Variants in DNAJB6 observed in about 807,000 individuals in gnomAD.
The protein encoded by DNAJB6 is dnaJ homolog subfamily B member 6.
DNAJB6 carries 16 observed loss-of-function variants against 42.7 expected under a neutral mutation model. That is an observed-to-expected ratio of 0.37 (90% CI 0.25 to 0.57). The LOEUF (loss-of-function observed/expected upper bound fraction) is 0.57, where lower values mean the gene tolerates loss of function less well. DNAJB6 is among the 20% of genes least tolerant of loss of function. The pLI is 0.74. For missense variants in DNAJB6, 347 were observed against 416.8 expected, an observed-to-expected ratio of 0.83 and a Z score of 1.46; for synonymous variants, 170 against 163.5, an observed-to-expected ratio of 1.04 and a Z score of -0.30.
intron 1 of DNAJB6, among the ~76,000 whole-genome samples, chr7:157,346,337 A>AAT (rs35193379): frequency 6.0e-5 from 9 of 148,948 alleles, no homozygotes; most frequent in Non-Finnish European, 1.3e-4. Context: ...AAAAAAAAAA[A>AAT]GTTAAAGATA....
intron 9 of DNAJB6, 126 bp downstream of exon 9, chr7:157,410,127 G>A (rs1288539973): frequency 1.4e-6 from 2 of 1,415,252 alleles, no homozygotes; most frequent in Non-Finnish European, 1.8e-6. Flanking sequence ...GGGCGGTCGG[G>A]CGGGGCGGGA....
At chr7:157,383,662 T>C (rs1332598555) in intron 6 of DNAJB6, among the ~76,000 whole-genome samples, 1 of 151,836 alleles carries the variant, frequency 6.6e-6, no homozygotes, top group Non-Finnish European at 1.5e-5. Context: ...GTAAGCCTTC[T>C]CCACTTCTGA....
Position 157,382,254 on chromosome 7 carries a change from T to G in DNAJB6, c.355T>G (p.Phe119Val). 1.9e-6 allele frequency: 3 copies of G among 1,598,652 alleles called. No homozygotes were observed. Among genetic ancestry groups the G allele is most frequent in the Non-Finnish European group, 2.6e-6 (3 of 1,176,132 alleles). Residue 119 changes from phenylalanine (F) to valine (V), a missense_variant, in exon 6 of 10, where the codon TTT becomes GTT. Phe to Val is a conservative substitution (Grantham distance 50). Transcript: ENST00000262177. ...TTTATGTTTGATTTTAGAAGACCCTTTTGAGGACTTCTTTGGGAATCGAAG... is the reference window on the plus strand; with the variant it reads ...TTTATGTTTGATTTTAGAAGACCCTGTTGAGGACTTCTTTGGGAATCGAAG... ...PFSFDFFEDP[F>V]EDFFGNRRGP...
intron 8 of DNAJB6, among the ~76,000 whole-genome samples, chr7:157,398,374 C>T (rs1801696898): frequency 6.6e-6 from 1 of 152,110 alleles, no homozygotes. Flanking sequence ...CCCTCTCTCC[C>T]CAAAAAAAGT....
intron 1 of DNAJB6, among the ~76,000 whole-genome samples, chr7:157,339,644 T>TGTGTGTGA (rs1554449673): frequency 2.7e-5 from 1 of 36,506 alleles, no homozygotes; most frequent in Non-Finnish European, 6.8e-5. Flanking sequence ...TGTGTGTGTG[T>TGTGTGTGA]GTGAGATGGA....
intron 9 of DNAJB6, chr7:157,410,241 G>A (rs1353661289): frequency 3.2e-6 from 3 of 930,728 alleles, no homozygotes; most frequent in East Asian, 3.1e-5. Flanking sequence ...TGTACGCAGC[G>A]TGTTGCTCCG....
At chr7:157,394,754 A>G (rs74325506) in intron 8 of DNAJB6, among the ~76,000 whole-genome samples, 2 of 152,290 alleles carry the variant, frequency 1.3e-5, no homozygotes, top group Admixed American at 6.5e-5. Flanking sequence ...AAGAAGCAAC[A>G]CATCACAAGA....
chr7:157,349,465 A>C (rs1349508185), intron 1 of DNAJB6, among the ~76,000 whole-genome samples: 12 of 150,016 alleles, frequency 8.0e-5, no homozygotes, highest in Non-Finnish European at 1.6e-4. Context: ...AGAAAAGACC[A>C]GGGGACTTAG....
intron 1 of DNAJB6, among the ~76,000 whole-genome samples, chr7:157,343,651 G>A (rs1470280634): frequency 6.6e-6 from 1 of 152,068 alleles, no homozygotes; most frequent in African/African-American, 2.4e-5. Flanking sequence ...GTTTCACCAC[G>A]TTGGCCATGC....
At chr7:157,379,009 A>AT (rs1338898486) in intron 5 of DNAJB6, 1 of 152,152 alleles carries the variant, frequency 6.6e-6, no homozygotes. Flanking sequence ...AATTCAGTGA[A>AT]TACCTGAATT....
At chr7:157,401,618 G>A (rs1297528043) in intron 8 of DNAJB6, among the ~76,000 whole-genome samples, 1 of 152,232 alleles carries the variant, frequency 6.6e-6, no homozygotes, top group Non-Finnish European at 1.5e-5. Flanking sequence ...TGACATCTGT[G>A]TGTGAGTTTT....
At chr7:157,370,284 A>G (rs557421357) in intron 5 of DNAJB6, among the ~76,000 whole-genome samples, 1 of 150,342 alleles carries the variant, frequency 6.7e-6, no homozygotes, top group African/African-American at 2.4e-5. Context: ...CATTAACGTT[A>G]TTATTAAATG....
chr7:157,371,601 G>C (rs921198875), intron 5 of DNAJB6, among the ~76,000 whole-genome samples: 2 of 152,368 alleles, frequency 1.3e-5, no homozygotes, highest in South Asian at 4.1e-4. Context: ...CTGAATTGGA[G>C]GGGTACAATC....
intron 5 of DNAJB6, among the ~76,000 whole-genome samples, chr7:157,375,637 C>T (rs1800433565): frequency 1.3e-5 from 2 of 152,236 alleles, no homozygotes; most frequent in African/African-American, 4.8e-5. Context: ...AGGGCGTGCA[C>T]TTCAGGGCGG....
rs555158059 is a variant in DNAJB6, at chr7:157,406,330, C to G, written c.692-3465C>G. Among the ~76,000 whole-genome samples the G allele has an allele frequency of 2.6e-5, 4 of 152,352 alleles. No individual in the cohort carries two copies. The South Asian group carries it at 6.2e-4, about 24-fold the overall frequency. Reference sequence around the variant, plus strand: ...CCACCTTCATCTTCTTTCCTCAAGTCACTTTTCCTGGCACCTCACTAACCA... The same window carrying G: ...CCACCTTCATCTTCTTTCCTCAAGTGACTTTTCCTGGCACCTCACTAACCA... On this transcript the variant is annotated intron_variant, in intron 8 of 9. Transcript: ENST00000262177.
intron 1 of DNAJB6, among the ~76,000 whole-genome samples, chr7:157,357,191 TTG>T (rs1248498150): frequency 1.3e-5 from 2 of 148,180 alleles, no homozygotes; most frequent in Non-Finnish European, 3.0e-5. Flanking sequence ...AGATGTGTCT[TTG>T]TGGCTTTGTG....
intron 8 of DNAJB6, among the ~76,000 whole-genome samples, chr7:157,402,311 C>T (rs1795554571): frequency 6.6e-6 from 1 of 152,348 alleles, no homozygotes; most frequent in South Asian, 2.1e-4. Context: ...GGCGCCTCTT[C>T]TTCCCTGAGC....
intron 1 of DNAJB6, among the ~76,000 whole-genome samples, chr7:157,343,812 T>C (rs997924203): frequency 1.3e-5 from 2 of 152,314 alleles, no homozygotes; most frequent in Admixed American, 6.5e-5. Flanking sequence ...TTGGAGAAGG[T>C]TATTTTTGAT....
chr7:157,363,450 G>A, intron 3 of DNAJB6, among the ~76,000 whole-genome samples, 180 bp downstream of exon 3: 1 of 152,146 alleles, frequency 6.6e-6, no homozygotes. Flanking sequence ...ATTGATTTAG[G>A]TAACCACGAG....
Sources: gnomAD v4.1 joint callset for allele counts (sites outside exome capture counted in the v4.1 genomes callset) on GRCh38, gnomAD v4.1.1 for gene constraint, MANE v1.5 for transcripts, NCBI Gene and HGNC (gene_info 2026-07-23, HGNC 2026-07-21) for gene names.